NBAS: variants seen among roughly 807,000 people sequenced by gnomAD.
NBAS encodes NBAS subunit of NRZ tethering complex, also known as NAG/BC035112 fusion.
NBAS carries 219 observed loss-of-function variants against 302.5 expected under a neutral mutation model. The observed-to-expected ratio is 0.72, with a 90% CI of 0.65 to 0.81. The LOEUF (loss-of-function observed/expected upper bound fraction) is 0.81. Ranked by LOEUF, NBAS falls within the 30% of genes least tolerant of loss-of-function variation. The pLI is 0.00. For synonymous variants in NBAS, 1,118 were observed against 1,021.6 expected, an observed-to-expected ratio of 1.09 and a Z score of -1.80; for missense variants, 2,932 against 2,841.6, an observed-to-expected ratio of 1.03 and a Z score of -0.72.
chr2:15,163,769 G>A (rs1663949975), downstream of NBAS, among the ~76,000 whole-genome samples: 1 of 151,968 alleles, frequency 6.6e-6, no homozygotes, highest in Admixed American at 6.6e-5. Context: ...GTGAGAAACA[G>A]GGGAGTTCAG....
the NBAS span, among the ~76,000 whole-genome samples, chr2:14,985,000 G>T: frequency 6.6e-6 from 1 of 152,128 alleles, no homozygotes; most frequent in Non-Finnish European, 1.5e-5. Context: ...ACTCAGGATG[G>T]CGGCCCAAGT....
chr2:15,552,485 G>C (rs1664428062), intron 5 of NBAS, among the ~76,000 whole-genome samples: 1 of 152,024 alleles, frequency 6.6e-6, no homozygotes, highest in Non-Finnish European at 1.5e-5. Flanking sequence ...CTTTGTAATG[G>C]TCCACTTCCA....
intron 20 of NBAS, 82 bp downstream of exon 20, chr2:15,461,605 A>C: frequency 1.1e-6 from 1 of 879,024 alleles, no homozygotes; most frequent in Non-Finnish European, 1.8e-6. Context: ...TAATATATGC[A>C]CACAATAACA....
chr2:15,056,861 C>T, the NBAS span, among the ~76,000 whole-genome samples: 1 of 142,116 alleles, frequency 7.0e-6, no homozygotes, highest in Admixed American at 7.2e-5. Flanking sequence ...CGGAGTCTCA[C>T]TCTGTCTCCT....
At chr2:14,868,495 T>C in the NBAS span, among the ~76,000 whole-genome samples, 1 of 152,176 alleles carries the variant, frequency 6.6e-6, no homozygotes, top group Non-Finnish European at 1.5e-5. Context: ...ATGTAACTGG[T>C]ACATGGTATT....
chr2:15,200,971 CA>C (rs1354769187), intron 48 of NBAS, among the ~76,000 whole-genome samples: 2 of 152,152 alleles, frequency 1.3e-5, no homozygotes, highest in African/African-American at 4.8e-5. Context: ...GTTATTAATA[CA>C]TTTAAAAGTA....
the NBAS span, among the ~76,000 whole-genome samples, chr2:15,028,173 T>C: frequency 1.3e-5 from 2 of 152,228 alleles, no homozygotes; most frequent in African/African-American, 4.8e-5. Context: ...CTGATGTGCT[T>C]ATAGCTGCAT....
chr2:15,433,640 C>T (rs1286148357), intron 21 of NBAS, among the ~76,000 whole-genome samples: 1 of 152,100 alleles, frequency 6.6e-6, no homozygotes, highest in African/African-American at 2.4e-5. Flanking sequence ...AAAAAAGCAA[C>T]CATTTCCAAA....
At chr2:14,938,493 C>T in the NBAS span, among the ~76,000 whole-genome samples, 1 of 152,202 alleles carries the variant, frequency 6.6e-6, no homozygotes, top group Admixed American at 6.5e-5. Flanking sequence ...TCTAAAATCT[C>T]TGTGTAATAA....
chr2:15,305,449 G>GCTTT (rs766552962), intron 40 of NBAS, among the ~76,000 whole-genome samples: 2 of 123,804 alleles, frequency 1.6e-5, no homozygotes, highest in Non-Finnish European at 1.7e-5. Flanking sequence ...GTCTCGAGCA[G>GCTTT]TTTTTTTTTT....
chr2:15,166,962 C>A lies in NBAS; in HGVS notation c.*86G>T, dbSNP rs1664045362. ...TGCAATTTGTTGGAACCATGGAGAA[C>A]AATCGGCAGATACACATGTTGCTTC... is the stretch of plus-strand genomic sequence containing the variant. On this transcript the variant is annotated 3_prime_UTR_variant, in exon 52 of 52. Transcript: ENST00000281513. The A allele has an allele frequency of 6.9e-7, 1 of 1,455,080 alleles. No homozygotes were observed. The highest frequency in any genetic ancestry group is 9.2e-7 in the Non-Finnish European group (1 of 1,089,396). 90.1% of individuals were successfully genotyped at this position (1,455,080 alleles called of 1,614,324 possible).
At chr2:15,332,575 G>A (rs1178162532) in intron 35 of NBAS, among the ~76,000 whole-genome samples, 5 of 150,964 alleles carry the variant, frequency 3.3e-5, no homozygotes, top group Admixed American at 6.6e-5. Flanking sequence ...TTGGTTTCTC[G>A]GGCATTAGAA....
chr2:15,511,083 T>C, intron 10 of NBAS, 129 bp downstream of exon 10: 1 of 1,139,894 alleles, frequency 8.8e-7, no homozygotes, highest in Non-Finnish European at 1.3e-6. Context: ...TATACCAGCA[T>C]TAATTCACTG....
intron 32 of NBAS, among the ~76,000 whole-genome samples, chr2:15,364,421 C>T (rs1471265769): frequency 3.3e-5 from 5 of 151,780 alleles, no homozygotes; most frequent in African/African-American, 4.8e-5. Flanking sequence ...ATCCCAGCTA[C>T]TCGGGAGGCT....
At chr2:14,817,539 A>G in the NBAS span, among the ~76,000 whole-genome samples, 1 of 152,196 alleles carries the variant, frequency 6.6e-6, no homozygotes, top group Non-Finnish European at 1.5e-5. Flanking sequence ...CAACCCCAGT[A>G]AAAGTATGTT....
the NBAS span, among the ~76,000 whole-genome samples, chr2:14,999,145 G>A: frequency 6.6e-6 from 1 of 151,756 alleles, no homozygotes; most frequent in Admixed American, 6.6e-5. Flanking sequence ...CAAGGCTGCA[G>A]GAATTCTGCC....
the NBAS span, among the ~76,000 whole-genome samples, chr2:15,111,795 C>T: frequency 1.3e-5 from 2 of 151,146 alleles, no homozygotes; most frequent in African/African-American, 2.4e-5. Context: ...ACATCTACCT[C>T]TCATTAAAAT....
At chr2:15,062,896 C>A in the NBAS span, among the ~76,000 whole-genome samples, 1 of 152,280 alleles carries the variant, frequency 6.6e-6, no homozygotes, top group African/African-American at 2.4e-5. Context: ...TAGTCTTAGG[C>A]AAGGAGGAGA....
At chr2:14,793,471 A>C in the NBAS span, among the ~76,000 whole-genome samples, 3 of 152,158 alleles carry the variant, frequency 2.0e-5, no homozygotes, top group African/African-American at 7.2e-5. Context: ...AGATTCAGTA[A>C]ACTTGAGGAC....
Sources: gnomAD v4.1 joint callset for allele counts (sites outside exome capture counted in the v4.1 genomes callset) on GRCh38, gnomAD v4.1.1 for gene constraint, MANE v1.5 for transcripts, NCBI Gene and HGNC (gene_info 2026-07-23, HGNC 2026-07-21) for gene names.